The following PAPSS2 variants were observed in gnomAD, a reference collection of about 807,000 sequenced individuals.
PAPSS2 encodes bifunctional 3'-phosphoadenosine 5'-phosphosulfate synthase 2.
PAPSS2 carries 61 observed loss-of-function variants against 66.5 expected under a neutral mutation model. The ratio of observed to expected loss-of-function variants is 0.92; its 90% CI spans 0.75 to 1.14. PAPSS2 has a LOEUF of 1.14. Among genes scored for constraint, PAPSS2 ranks in the 50% most tolerant of loss-of-function variants. The pLI is 0.00. For synonymous variants in PAPSS2, 289 were observed against 287.5 expected, an observed-to-expected ratio of 1.01 and a Z score of -0.05; for missense variants, 708 against 789.6, an observed-to-expected ratio of 0.90 and a Z score of 1.24.
intron 1 of PAPSS2, among the ~76,000 whole-genome samples, chr10:87,694,130 A>T (rs1385625120): frequency 6.6e-6 from 1 of 152,254 alleles, no homozygotes; most frequent in African/African-American, 2.4e-5. Flanking sequence ...ATTAGCAGGA[A>T]CTATAATCCC....
intron 8 of PAPSS2, 31 bp downstream of exon 8, chr10:87,721,801 T>G: frequency 1.6e-6 from 2 of 1,231,338 alleles, no homozygotes; most frequent in Non-Finnish European, 2.3e-6. Flanking sequence ...AGTAGCTAAA[T>G]TATTATAATT....
rs1228686822 is a variant in PAPSS2, at chr10:87,745,066, C to T, written c.1556C>T (p.Pro519Leu). 3 of 1,614,110 alleles carry T rather than the reference C, an allele frequency of 1.9e-6. No homozygotes were observed. Among genetic ancestry groups the T allele is most frequent in the East Asian group, 2.2e-5 (1 of 44,872 alleles). The change falls in exon 12 of 13, where the codon CCT (proline) becomes CTT (leucine). Residue 519 changes from proline (P) to leucine (L), a missense_variant. Coordinates refer to ENST00000456849, the MANE Select transcript of PAPSS2 (RefSeq NM_001015880.2). The stretch of plus-strand genomic sequence containing the variant: ...AATTTCTACATTGTGGGGAGGGACC[C>T]TGCAGGAATGCCCCATCCTGAAACC... ...GANFYIVGRD[P>L]AGMPHPETKK...
chr10:87,676,102 C>T (rs1221197663), intron 1 of PAPSS2, among the ~76,000 whole-genome samples: 1 of 150,562 alleles, frequency 6.6e-6, no homozygotes, highest in African/African-American at 2.4e-5. Flanking sequence ...CGTTTAAAAG[C>T]TTACTATCCT....
intron 1 of PAPSS2, among the ~76,000 whole-genome samples, chr10:87,696,118 C>G (rs771891929): frequency 6.6e-6 from 1 of 152,210 alleles, no homozygotes; most frequent in Non-Finnish European, 1.5e-5. Flanking sequence ...ACACTCCCAA[C>G]TTCAGCTATG....
At chr10:87,676,285 T>C (rs1324194926) in intron 1 of PAPSS2, among the ~76,000 whole-genome samples, 1 of 152,080 alleles carries the variant, frequency 6.6e-6, no homozygotes, top group Non-Finnish European at 1.5e-5. Context: ...TTCTCTAGAG[T>C]GTAAGTCTCC....
At chr10:87,741,102 C>G (rs1041268133) in intron 9 of PAPSS2, 133 bp from the exon 10 acceptor site, 1 of 911,484 alleles carries the variant, frequency 1.1e-6, no homozygotes, top group East Asian at 2.6e-5. Flanking sequence ...TTGAGAAATA[C>G]TGTGCCAGAA....
chr10:87,728,478 G>A (rs762702130), intron 9 of PAPSS2, among the ~76,000 whole-genome samples: 5 of 152,102 alleles, frequency 3.3e-5, no homozygotes, highest in Admixed American at 6.5e-5. Context: ...GGTGGCTCAC[G>A]CCTGTAATCC....
At chr10:87,687,002 G>A (rs1589424355) in intron 1 of PAPSS2, among the ~76,000 whole-genome samples, 1 of 152,090 alleles carries the variant, frequency 6.6e-6, no homozygotes, top group African/African-American at 2.4e-5. Flanking sequence ...ATACTTTTTT[G>A]ATATAAGTAT....
rs747152482 is a variant in PAPSS2 at position 87,707,564 on chromosome 10, CTTTTTTTTTTTTTT to C, written c.28-1622_28-1609del. Reference sequence around the variant, plus strand: ...AGGTGAGTTTTCATTTCTTTTTTTTCTTTTTTTTTTTTTTTTTTTTTTTGAGACAGGGTCTCGCT... The same window carrying C: ...AGGTGAGTTTTCATTTCTTTTTTTTCTTTTTTTTTGAGACAGGGTCTCGCT... On this transcript the variant is annotated intron_variant, in intron 1 of 12. Transcript: ENST00000456849. Among the ~76,000 whole-genome samples the C allele has an allele frequency of 5.3e-5, 5 of 93,990 alleles. No individual in the cohort carries two copies. In the East Asian group the frequency reaches 1.2e-3, roughly 23 times the overall value. The allele number at this position is 93,990 out of a possible 152,430, so 61.7% of individuals were successfully genotyped here. A position where few individuals can be genotyped will look rare whatever the true frequency, so the allele number is the denominator to read the frequency against.
chr10:87,699,798 C>T (rs7097366), intron 1 of PAPSS2, among the ~76,000 whole-genome samples: 70,200 of 146,922 alleles, frequency 0.48, 17,254 homozygotes, highest in East Asian at 0.65. Context: ...TTCAGTGAGT[C>T]GAGATCATGC....
At chr10:87,720,163 G>A (rs746874398) in intron 7 of PAPSS2, among the ~76,000 whole-genome samples, 6 of 152,204 alleles carry the variant, frequency 3.9e-5, no homozygotes, top group Non-Finnish European at 8.8e-5. Flanking sequence ...TAGGATTAGA[G>A]CCATGAGCCG....
intron 1 of PAPSS2, among the ~76,000 whole-genome samples, chr10:87,684,285 T>G (rs1384392478): frequency 6.6e-6 from 1 of 152,212 alleles, no homozygotes; most frequent in African/African-American, 2.4e-5. Flanking sequence ...TCCATCTTCA[T>G]GTATGAAAGC....
intron 1 of PAPSS2, among the ~76,000 whole-genome samples, chr10:87,701,291 T>C (rs148286134): frequency 0.16 from 22,309 of 141,732 alleles, 2,649 homozygotes; most frequent in East Asian, 0.34. Context: ...TTTCTTTCTT[T>C]CTTTCTTTTT....
chr10:87,733,273 C>A (rs115345508), intron 9 of PAPSS2, among the ~76,000 whole-genome samples: 6 of 152,206 alleles, frequency 3.9e-5, no homozygotes, highest in Admixed American at 3.9e-4. Flanking sequence ...AGGCATCCAG[C>A]CCTCTCTTTG....
At position 87,713,312 on chromosome 10, in the gene PAPSS2, T is replaced by TAAAAAGAAAAA; in HGVS notation, c.381+7_381+8insGAAAAAAAAAA. The TAAAAAGAAAAA allele has an allele frequency of 1.7e-6, 1 of 573,440 alleles. No individual in the cohort carries two copies. The highest frequency in any genetic ancestry group is 2.6e-6 in the Non-Finnish European group (1 of 382,484). 35.5% of individuals were successfully genotyped at this position (573,440 alleles called of 1,614,324 possible). A position where few individuals can be genotyped will look rare whatever the true frequency, so the allele number is the denominator to read the frequency against. ...AGCTTTATTTCTCCATTCGCAAAGG[T>TAAAAAGAAAAA]AAAAAAAAAAAAAAAAAAAAAAGGC... is the stretch of plus-strand genomic sequence containing the variant. On this transcript the variant is annotated splice_region_variant and intron_variant, in intron 3 of 12. Coordinates refer to ENST00000456849, the MANE Select transcript of PAPSS2 (RefSeq NM_001015880.2).
chr10:87,741,460 TCTC>T (rs535681798), intron 10 of PAPSS2, 90 bp downstream of exon 10: 72 of 1,120,708 alleles, frequency 6.4e-5, no homozygotes, highest in Non-Finnish European at 8.7e-5. Context: ...AATGGCACGA[TCTC>T]AGCTCACTGC....
At chr10:87,685,288 T>TTTTTG in intron 1 of PAPSS2, among the ~76,000 whole-genome samples, 2 of 152,354 alleles carry the variant, frequency 1.3e-5, no homozygotes, top group East Asian at 3.9e-4. Context: ...GAGGACTACA[T>TTTTTG]TTTTGTTTTG....
At chr10:87,700,932 T>A (rs1314039836) in intron 1 of PAPSS2, among the ~76,000 whole-genome samples, 1 of 151,812 alleles carries the variant, frequency 6.6e-6, no homozygotes, top group African/African-American at 2.4e-5. Context: ...AATTTCATAT[T>A]TTAAAAATTG....
chr10:87,694,443 G>A (rs1325814566), intron 1 of PAPSS2, among the ~76,000 whole-genome samples: 1 of 152,326 alleles, frequency 6.6e-6, no homozygotes, highest in Middle Eastern at 3.4e-3. Context: ...CATCAAGGAA[G>A]GCAGCCAGCA....
Sources: gnomAD v4.1 joint callset for allele counts (sites outside exome capture counted in the v4.1 genomes callset) on GRCh38, gnomAD v4.1.1 for gene constraint, MANE v1.5 for transcripts, NCBI Gene and HGNC (gene_info 2026-07-23, HGNC 2026-07-21) for gene names.